The following MEGF11 variants were observed in gnomAD, a reference collection of about 807,000 sequenced individuals.
MEGF11 encodes multiple EGF like domains 11.
A neutral mutation model predicts 146.6 loss-of-function variants in MEGF11; 126 were observed. That is an observed-to-expected ratio of 0.86 (90% CI 0.74 to 1.00). MEGF11 has a LOEUF of 1.00. MEGF11 is among the 50% of genes least tolerant of loss of function. The pLI is 0.00. For missense variants in MEGF11, 1,509 were observed against 1,521.2 expected (o/e 0.99, Z 0.13); for synonymous variants, 532 against 583.4 (o/e 0.91, Z 1.27).
intron 5 of MEGF11, among the ~76,000 whole-genome samples, chr15:65,983,074 C>CCCT (rs1390521152): frequency 6.6e-6 from 1 of 152,160 alleles, no homozygotes; most frequent in African/African-American, 2.4e-5. Context: ...AACTCCCTGC[C>CCCT]CCTCCCCTGG....
chr15:66,014,329 A>G (rs2082809968), intron 5 of MEGF11, among the ~76,000 whole-genome samples: 1 of 152,238 alleles, frequency 6.6e-6, no homozygotes. Context: ...TCACATTCAC[A>G]GGCTCCAGAT....
chr15:66,079,544 C>CCG (rs1555468272), intron 5 of MEGF11, among the ~76,000 whole-genome samples: 11 of 143,722 alleles, frequency 7.7e-5, no homozygotes, highest in African/African-American at 1.4e-4. Context: ...CACACCCCCC[C>CCG]CCCCAGCACC....
At chr15:66,131,756 A>C (rs1186199005) in intron 1 of MEGF11, among the ~76,000 whole-genome samples, 1 of 152,202 alleles carries the variant, frequency 6.6e-6, no homozygotes, top group Non-Finnish European at 1.5e-5. Flanking sequence ...TATTCAGTCT[A>C]AGCATTTTAG....
intron 24 of MEGF11, chr15:65,905,714 T>C (rs905505734): frequency 5.9e-6 from 1 of 170,686 alleles, no homozygotes; most frequent in African/African-American, 2.4e-5. Flanking sequence ...TCCTTGCTAG[T>C]GCAACGACAG....
chr15:66,004,652 A>C (rs2082467539), intron 5 of MEGF11, among the ~76,000 whole-genome samples: 2 of 152,114 alleles, frequency 1.3e-5, no homozygotes, highest in African/African-American at 4.8e-5. Flanking sequence ...ATCAACAGAA[A>C]GGACTGAATT....
chr15:66,025,004 C>G (rs1440664479), intron 5 of MEGF11, among the ~76,000 whole-genome samples: 1 of 150,724 alleles, frequency 6.6e-6, no homozygotes, highest in East Asian at 2.0e-4. Flanking sequence ...CTGTTAATGG[C>G]CGTCAGGGGA....
At chr15:66,085,374 C>CA (rs962838428) in intron 5 of MEGF11, among the ~76,000 whole-genome samples, 2 of 152,066 alleles carry the variant, frequency 1.3e-5, no homozygotes, top group African/African-American at 4.8e-5. Context: ...CCAACCAGCA[C>CA]AAAAAAAGAG....
intron 3 of MEGF11, 66 bp from the exon 4 acceptor site, chr15:66,119,252 T>C: frequency 8.6e-7 from 1 of 1,161,286 alleles, no homozygotes; most frequent in Non-Finnish European, 1.2e-6. Flanking sequence ...TAGAATGATA[T>C]TTGTGTTAAG....
At chr15:66,109,240 C>T (rs1178682510) in intron 4 of MEGF11, among the ~76,000 whole-genome samples, 2 of 152,152 alleles carry the variant, frequency 1.3e-5, no homozygotes, top group African/African-American at 4.8e-5. Context: ...ACCACCTTCA[C>T]TGGTGGTCCA....
At chr15:65,919,270 T>C (rs914448492) in intron 15 of MEGF11, among the ~76,000 whole-genome samples, 1 of 152,242 alleles carries the variant, frequency 6.6e-6, no homozygotes, top group African/African-American at 2.4e-5. Flanking sequence ...GGTCTAAGTT[T>C]TCTTTATGTA....
Position 65,915,598 on chromosome 15 carries a change from C to G in MEGF11, c.2345G>C (p.Arg782Thr). The stretch of plus-strand genomic sequence containing the variant: ...ATAGCCAAAGGTTCCTGGGGCACAT[C>G]CTGTGTGGCACAAAGAGTTAGGGTA... Reference protein sequence around the residue: ...TGFTGQHCEQRCAPGTFGYGC... With the variant: ...TGFTGQHCEQTCAPGTFGYGC... Residue 782 changes from arginine to threonine, a missense_variant and splice_region_variant, in exon 19 of 26, where the codon AGA (arginine) becomes ACA (threonine). Physicochemically the swap from Arg to Thr is moderately conservative, Grantham distance 71. Transcript: ENST00000395614. 5 of 1,613,814 alleles carry G rather than the reference C, an allele frequency of 3.1e-6. No homozygotes were observed. Among genetic ancestry groups the G allele is most frequent in the Non-Finnish European group, 4.2e-6 (5 of 1,179,772 alleles).
intron 1 of MEGF11, among the ~76,000 whole-genome samples, chr15:66,237,169 G>A (rs1051417769): frequency 2.0e-5 from 3 of 152,098 alleles, no homozygotes; most frequent in Admixed American, 6.5e-5. Flanking sequence ...CAAGTCCAGC[G>A]CTCTCGTGAT....
At chr15:66,221,261 T>C (rs760637567) in intron 1 of MEGF11, among the ~76,000 whole-genome samples, 66 of 152,212 alleles carry the variant, frequency 4.3e-4, no homozygotes, top group South Asian at 1.2e-3. Context: ...GGGAGAGGGC[T>C]GCCTGGGTCA....
At chr15:65,965,269 C>T (rs767737781) in intron 8 of MEGF11, 149 bp from the exon 9 acceptor site, 1 of 608,210 alleles carries the variant, frequency 1.6e-6, no homozygotes, top group Non-Finnish European at 2.8e-6. Context: ...TCTCTCTCCT[C>T]CTCCAGGAAG....
chr15:66,065,337 C>G (rs1294236933), intron 5 of MEGF11, among the ~76,000 whole-genome samples: 1 of 151,546 alleles, frequency 6.6e-6, no homozygotes, highest in East Asian at 1.9e-4. Flanking sequence ...TCTCCAGGAG[C>G]AAATAAAAAA....
intron 4 of MEGF11, among the ~76,000 whole-genome samples, chr15:66,095,840 T>C (rs937500931): frequency 1.3e-5 from 2 of 152,200 alleles, no homozygotes; most frequent in African/African-American, 2.4e-5. Flanking sequence ...GTTGTGGTGC[T>C]TCCCCAGTGC....
chr15:66,221,184 C>A (rs1215306902), intron 1 of MEGF11, among the ~76,000 whole-genome samples: 1 of 152,042 alleles, frequency 6.6e-6, no homozygotes, highest in Non-Finnish European at 1.5e-5. Context: ...TAACAGCCTG[C>A]AGGGACCATC....
At chr15:66,190,539 G>A (rs2090841116) in intron 1 of MEGF11, among the ~76,000 whole-genome samples, 1 of 152,174 alleles carries the variant, frequency 6.6e-6, no homozygotes, top group Admixed American at 6.5e-5. Context: ...GCTAAACCAA[G>A]CAAGGTCCCT....
intron 1 of MEGF11, among the ~76,000 whole-genome samples, chr15:66,194,502 A>G (rs2090960612): frequency 6.6e-6 from 1 of 152,126 alleles, no homozygotes; most frequent in Non-Finnish European, 1.5e-5. Flanking sequence ...CAGATAGTCA[A>G]GAGGCTGAGA....
Sources: allele counts gnomAD v4.1 joint callset (sites outside exome capture counted in the v4.1 genomes callset), GRCh38; gene constraint gnomAD v4.1.1; transcripts MANE v1.5; gene names NCBI Gene and HGNC (gene_info 2026-07-23, HGNC 2026-07-21).